CYFIP2: variants seen among roughly 807,000 people sequenced by gnomAD.
The protein encoded by CYFIP2 is cytoplasmic FMR1-interacting protein 2.
A neutral mutation model predicts 158.7 loss-of-function variants in CYFIP2; 29 were observed. That is an observed-to-expected ratio of 0.18 (90% CI 0.14 to 0.25). The LOEUF is 0.25. Ranked by LOEUF, CYFIP2 falls within the 10% of genes least tolerant of loss-of-function variation. The pLI, the probability that CYFIP2 is intolerant of heterozygous loss-of-function variation, is 1.00. For missense variants in CYFIP2, 852 were observed against 1,639.5 expected (o/e 0.52, Z 8.29); for synonymous variants, 585 against 617.6 (o/e 0.95, Z 0.78).
intron 21 of CYFIP2, among the ~76,000 whole-genome samples, chr5:157,336,982 G>A (rs1254420679): frequency 6.6e-6 from 1 of 152,180 alleles, no homozygotes; most frequent in Non-Finnish European, 1.5e-5. Context: ...TTGTGAACAC[G>A]GATGTATGTT....
intron 23 of CYFIP2, among the ~76,000 whole-genome samples, chr5:157,351,620 AG>A (rs138038084): frequency 0.16 from 24,561 of 152,186 alleles, 2,555 homozygotes; most frequent in Non-Finnish European, 0.24. Context: ...TCACAAAGCA[AG>A]GTCCTGGCAA....
At chr5:157,342,669 C>T (rs1241962938) in intron 23 of CYFIP2, 3 of 543,106 alleles carry the variant, frequency 5.5e-6, no homozygotes, top group Non-Finnish European at 9.5e-6. Context: ...TCGTTTGTGC[C>T]TTGGCATACC....
In CYFIP2 at chr5:157,393,224, A is replaced by AG; in HGVS notation, c.*225dup. 1 of 409,774 alleles carries AG rather than the reference A, an allele frequency of 2.4e-6. No individual in the cohort carries two copies. Among genetic ancestry groups the AG allele is most frequent in the African/African-American group, 2.1e-5 (1 of 46,774 alleles). 25.4% of individuals were successfully genotyped at this position (409,774 alleles called of 1,614,324 possible). ...GCATAAATGAAAAAAAAAAAAAAAA[A>AG]GTAAACAGGGCAGTGTGTGCTTTTT... is the stretch of plus-strand genomic sequence containing the variant. On this transcript the variant is annotated 3_prime_UTR_variant, in exon 31 of 31. Coordinates refer to ENST00000620254, the MANE Select transcript of CYFIP2 (RefSeq NM_001037333.3).
At chr5:157,369,311 G>A (rs2591460) in intron 26 of CYFIP2, among the ~76,000 whole-genome samples, 113,960 of 152,106 alleles carry the variant, frequency 0.75, 44,115 homozygotes, top group African/African-American at 0.94. Flanking sequence ...ATGAAAATTT[G>A]TAGTCAGAGA....
intron 26 of CYFIP2, among the ~76,000 whole-genome samples, chr5:157,374,663 A>C (rs929433963): frequency 6.6e-6 from 1 of 152,214 alleles, no homozygotes; most frequent in African/African-American, 2.4e-5. Context: ...TCAGATGCAC[A>C]GTCCTGTACG....
chr5:157,324,060 T>C lies in CYFIP2; in HGVS notation c.1811T>C (p.Leu604Pro). The C allele has an allele frequency of 1.2e-6, 2 of 1,613,056 alleles. No homozygotes were observed. Among genetic ancestry groups the C allele is most frequent in the Non-Finnish European group, 1.7e-6 (2 of 1,179,576 alleles). ...AAACAGTCCTTCTTCTTCACACATCTGCTCAACATCAGTGGTGAGCTGCAT... is the reference window on the plus strand; with the variant it reads ...AAACAGTCCTTCTTCTTCACACATCCGCTCAACATCAGTGGTGAGCTGCAT... ...FHKQSFFFTH[L>P]LNISEALQQC... The change falls in exon 16 of 31, where the codon CTG becomes CCG. Residue 604 changes from leucine (L) to proline (P), a missense_variant. Around this residue, in one of 8 missense-constraint regions of CYFIP2, gnomAD observed 167 missense variants for 343.3 expected, o/e 0.49. Transcript: ENST00000620254.
Position 157,395,447 on chromosome 5 carries a change from G to C in CYFIP2, c.*2447G>C, listed in dbSNP as rs186546184. 118 of 417,664 alleles carry C rather than the reference G, an allele frequency of 2.8e-4. No individual in the cohort carries two copies. The highest frequency in any genetic ancestry group is 2.3e-3 in the African/African-American group (112 of 47,694). The allele number at this position is 417,664 out of a possible 1,614,324, so 25.9% of individuals were successfully genotyped here. Reference sequence around the variant, plus strand: ...CATTTATTTATGGTGACATATTTACGCTTGTGATCAAATAATGATGTTAAA... The same window carrying C: ...CATTTATTTATGGTGACATATTTACCCTTGTGATCAAATAATGATGTTAAA... On this transcript the variant is annotated 3_prime_UTR_variant, in exon 31 of 31. Coordinates refer to ENST00000620254, the MANE Select transcript of CYFIP2 (RefSeq NM_001037333.3).
At chr5:157,366,958 C>T (rs1218656210) in intron 26 of CYFIP2, among the ~76,000 whole-genome samples, 1 of 152,180 alleles carries the variant, frequency 6.6e-6, no homozygotes, top group Non-Finnish European at 1.5e-5. Context: ...GGCCTGAGTC[C>T]CCCGGGAAGG....
At chr5:157,358,120 A>G (rs529092863) in intron 23 of CYFIP2, among the ~76,000 whole-genome samples, 15 of 152,186 alleles carry the variant, frequency 9.9e-5, no homozygotes, top group Non-Finnish European at 2.2e-4. Context: ...GGTGCTCCGT[A>G]AGCGGCAGCA....
At position 157,325,396 on chromosome 5, in the gene CYFIP2, A is replaced by G. The variant is rs572524428; in HGVS notation, c.1826-86A>G. On this transcript the variant is annotated intron_variant, in intron 16 of 30. Coordinates refer to ENST00000620254, the MANE Select transcript of CYFIP2 (RefSeq NM_001037333.3). ...CTGCTACATACCTAACACAGTGACAATAACAATGAAAATTAATAAAAACAA... is the reference window on the plus strand; with the variant it reads ...CTGCTACATACCTAACACAGTGACAGTAACAATGAAAATTAATAAAAACAA... The G allele has an allele frequency of 1.4e-4, 190 of 1,406,560 alleles. No individual in the cohort carries two copies. In the African/African-American group the frequency reaches 2.4e-3, roughly 18 times the overall value. The allele number at this position is 1,406,560 out of a possible 1,614,324, so 87.1% of individuals were successfully genotyped here.
intron 23 of CYFIP2, among the ~76,000 whole-genome samples, chr5:157,352,997 A>C (rs1487831654): frequency 6.6e-6 from 1 of 152,154 alleles, no homozygotes; most frequent in Non-Finnish European, 1.5e-5. Context: ...GAGACGGGAA[A>C]CAGATCGTCC....
intron 10 of CYFIP2, among the ~76,000 whole-genome samples, chr5:157,310,164 C>T (rs1050293684): frequency 6.6e-6 from 1 of 152,202 alleles, no homozygotes; most frequent in Non-Finnish European, 1.5e-5. Context: ...GGAGAGGTGG[C>T]GTTGTTCCTC....
At chr5:157,300,625 G>T in intron 5 of CYFIP2, 90 bp from the exon 6 acceptor site, 4 of 1,187,436 alleles carry the variant, frequency 3.4e-6, no homozygotes, top group Non-Finnish European at 4.3e-6. Flanking sequence ...TTCTCGAGAG[G>T]GCTGGCTCTG....
intron 1 of CYFIP2, among the ~76,000 whole-genome samples, chr5:157,277,838 G>A (rs1234566954): frequency 6.6e-6 from 1 of 152,176 alleles, no homozygotes; most frequent in African/African-American, 2.4e-5. Context: ...AAACATCATA[G>A]AGTGCATTTA....
At chr5:157,312,646 A>C (rs761872440) in intron 11 of CYFIP2, among the ~76,000 whole-genome samples, 1 of 152,022 alleles carries the variant, frequency 6.6e-6, no homozygotes, top group Non-Finnish European at 1.5e-5. Flanking sequence ...CCAAACCCCA[A>C]CTCAGGAGAT....
At chr5:157,295,894 G>A (rs1758214717) in intron 4 of CYFIP2, among the ~76,000 whole-genome samples, 1 of 152,212 alleles carries the variant, frequency 6.6e-6, no homozygotes, top group Non-Finnish European at 1.5e-5. Context: ...ATCGGATTCT[G>A]ATGTGCACAC....
chr5:157,346,243 C>G (rs974689890), intron 23 of CYFIP2, among the ~76,000 whole-genome samples: 1 of 152,106 alleles, frequency 6.6e-6, no homozygotes, highest in African/African-American at 2.4e-5. Context: ...CCTGCACAGC[C>G]CTGAACCCCT....
At chr5:157,279,570 C>T (rs953519678) in intron 1 of CYFIP2, among the ~76,000 whole-genome samples, 4 of 152,160 alleles carry the variant, frequency 2.6e-5, no homozygotes, top group African/African-American at 9.7e-5. Flanking sequence ...TAAAGCCCCC[C>T]CTTCTCAGAA....
intron 1 of CYFIP2, among the ~76,000 whole-genome samples, chr5:157,274,847 A>G (rs1247179146): frequency 6.6e-6 from 1 of 152,212 alleles, no homozygotes; most frequent in African/African-American, 2.4e-5. Context: ...CTATGTGTAT[A>G]TCTTTGGAGA....
Sources: gnomAD v4.1 joint callset for allele counts (sites outside exome capture counted in the v4.1 genomes callset) on GRCh38, gnomAD v4.1.1 for gene constraint, gnomAD v4.1.1 regional missense constraint, MANE v1.5 for transcripts, NCBI Gene and HGNC (gene_info 2026-07-23, HGNC 2026-07-21) for gene names.